Variants in SCAMP4 observed in about 807,000 individuals in gnomAD.
SCAMP4 encodes the protein secretory carrier membrane protein 4.
In SCAMP4, 19 loss-of-function variants were observed where a neutral mutation model predicts 32.1. The ratio of observed to expected loss-of-function variants is 0.59; its 90% CI spans 0.41 to 0.87. SCAMP4 has a LOEUF of 0.87. SCAMP4 is among the 40% of genes least tolerant of loss of function. The probability of loss-of-function intolerance (pLI) is 0.00; values close to 1 mark genes in which losing one functional copy is unlikely to be tolerated. For synonymous variants in SCAMP4, 152 were observed against 132.7 expected, an observed-to-expected ratio of 1.15 and a Z score of -1.00; for missense variants, 302 against 309.0, an observed-to-expected ratio of 0.98 and a Z score of 0.17.
At chr19:1,911,216 G>C (rs2013427188) in intron 1 of SCAMP4, among the ~76,000 whole-genome samples, 1 of 151,672 alleles carries the variant, frequency 6.6e-6, no homozygotes, top group African/African-American at 2.4e-5. Context: ...CTGTCAGCCA[G>C]GCTGGGGTAC....
rs2145421201 is a variant in SCAMP4 at position 1,907,075 on chromosome 19, T to C, written c.-42+1636T>C. On this transcript the variant is annotated intron_variant, in intron 1 of 6. Transcript: ENST00000316097. ...AGTGGTGCACATCTGTTGTCCCAGC[T>C]GCTTGGGAGGCTAAGGCAGGAGAAT... The C allele has an allele frequency of 2.0e-5, 3 of 150,430 alleles. No homozygotes were observed. In the Middle Eastern group the frequency reaches 0.011, roughly 537 times the overall value. The allele number at this position is 150,430 out of a possible 1,614,324, so 9.3% of individuals were successfully genotyped here.
rs1282880453 is a variant in SCAMP4, at chr19:1,924,301, C to T, written c.*17C>T. The T allele has an allele frequency of 1.3e-6, 2 of 1,567,684 alleles. No individual in the cohort carries two copies. The highest frequency in any genetic ancestry group is 2.7e-5 in the African/African-American group (2 of 73,920). ...TGGCCTTAGAGGGAGCCTGCCCTGC[C>T]CCCACCGCCCACCACCTCCTCCCCT... is the stretch of plus-strand genomic sequence containing the variant. On this transcript the variant is annotated 3_prime_UTR_variant, in exon 7 of 7. Transcript: ENST00000316097.
At chr19:1,920,749 G>A in intron 5 of SCAMP4, 14 of 985,542 alleles carry the variant, frequency 1.4e-5, no homozygotes, top group Non-Finnish European at 1.7e-5. Context: ...GGGCTCCAGT[G>A]CCTCCTGTGA....
At chr19:1,921,629 C>T (rs1006565872) in intron 5 of SCAMP4, 8 of 985,450 alleles carry the variant, frequency 8.1e-6, no homozygotes, top group Non-Finnish European at 9.6e-6. Context: ...CCTCAAATGC[C>T]TTTGCCGCTT....
chr19:1,922,565 C>T (rs1037954573), intron 5 of SCAMP4: 12 of 985,522 alleles, frequency 1.2e-5, no homozygotes, highest in Admixed American at 1.2e-4. Context: ...CCCTCAGTGC[C>T]CACCGGGTGA....
At chr19:1,916,640 G>A (rs1599249517) in intron 2 of SCAMP4, among the ~76,000 whole-genome samples, 1 of 151,844 alleles carries the variant, frequency 6.6e-6, no homozygotes, top group African/African-American at 2.4e-5. Flanking sequence ...TGTAGTTTTT[G>A]TAGAGTTGGG....
chr19:1,920,445 A>G, intron 5 of SCAMP4: 2 of 617,926 alleles, frequency 3.2e-6, no homozygotes, highest in Non-Finnish European at 4.0e-6. Context: ...CCCCTCCTGC[A>G]CCTGCGCCTG....
At chr19:1,919,442 G>GT (rs2013847830) in intron 5 of SCAMP4, 21 of 985,328 alleles carry the variant, frequency 2.1e-5, no homozygotes, top group Non-Finnish European at 2.2e-5. Flanking sequence ...AAGGCTGCCA[G>GT]GTGCCCAGAA....
At chr19:1,921,359 T>G in intron 5 of SCAMP4, 3 of 985,348 alleles carry the variant, frequency 3.0e-6, no homozygotes, top group Non-Finnish European at 3.6e-6. Flanking sequence ...GACTGGAAAC[T>G]CCAGAGAAAT....
rs2013248379 is a variant in SCAMP4 at position 1,908,325 on chromosome 19, T to C, written c.-42+2886T>C. 2.8e-6 allele frequency: 1 copy of C among 356,728 alleles called. No homozygotes were observed. The highest frequency in any genetic ancestry group is 2.2e-5 in the African/African-American group (1 of 46,272). The allele number at this position is 356,728 out of a possible 1,614,324, so 22.1% of individuals were successfully genotyped here. ...AGCTTCGGGCAGCGCTGGGGCCGCT[T>C]CAGCGTGACCTCCAAGGCCACTGGC... is the stretch of plus-strand genomic sequence containing the variant. On this transcript the variant is annotated intron_variant, in intron 1 of 6. Transcript: ENST00000316097. The surrounding 1 kb of genome is among the most constrained non-coding windows in gnomAD (Gnocchi z 4.2).
At position 1,924,630 on chromosome 19, in the gene SCAMP4, A is replaced by G. The variant is rs906059599; in HGVS notation, c.*346A>G. The stretch of plus-strand genomic sequence containing the variant: ...CTGACTCCGGGGGACAGGTGGCAGC[A>G]GGTCGGCCGCCCTCCCGTCCTCCCA... On this transcript the variant is annotated 3_prime_UTR_variant, in exon 7 of 7. Coordinates refer to ENST00000316097, the MANE Select transcript of SCAMP4 (RefSeq NM_079834.4). 3.4e-6 allele frequency: 1 copy of G among 296,838 alleles called. No individual in the cohort carries two copies. Among genetic ancestry groups the G allele is most frequent in the Non-Finnish European group, 6.7e-6 (1 of 148,756 alleles). The allele number at this position is 296,838 out of a possible 1,614,324, so 18.4% of individuals were successfully genotyped here.
rs775644869 is a variant in SCAMP4 at position 1,918,183 on chromosome 19, G to A, written c.193G>A (p.Gly65Arg). The A allele has an allele frequency of 3.1e-5, 50 of 1,612,600 alleles. No individual in the cohort carries two copies. The highest frequency in any genetic ancestry group is 4.5e-5 in the East Asian group (2 of 44,888). The change falls in exon 4 of 7, where the codon GGA (glycine) becomes AGA (arginine). Residue 65 changes from glycine (G) to arginine (R), a missense_variant. Coordinates refer to ENST00000316097, the MANE Select transcript of SCAMP4 (RefSeq NM_079834.4). The stretch of plus-strand genomic sequence containing the variant: ...TGCCTGCCTGGCCTGGTGGATCGGC[G>A]GAGGCTCGGGGACCAACTTCGGCCT... ...LIACLAWWIG[G>R]GSGTNFGLAF...
intron 5 of SCAMP4, chr19:1,919,325 C>G (rs1246582036): frequency 8.4e-7 from 1 of 1,185,766 alleles, no homozygotes; most frequent in East Asian, 4.7e-5. Flanking sequence ...CAGTTCCTGG[C>G]TGCTGATGTT....
Position 1,917,952 on chromosome 19 carries a change from C to CT in SCAMP4, c.136+131dup. 3 of 1,380,642 alleles carry CT rather than the reference C, an allele frequency of 2.2e-6. No homozygotes were observed. In the Admixed American group the frequency reaches 5.9e-5, roughly 27 times the overall value. The allele number at this position is 1,380,642 out of a possible 1,614,324, so 85.5% of individuals were successfully genotyped here. A position where few individuals can be genotyped will look rare whatever the true frequency, so the allele number is the denominator to read the frequency against. ...GAAGCCGTCCTGGGCCTGGTGGTCC[C>CT]TGCGGTGAACGAGGCTGGTGTCCAG... On this transcript the variant is annotated intron_variant, in intron 3 of 6. Coordinates refer to ENST00000316097, the MANE Select transcript of SCAMP4 (RefSeq NM_079834.4).
At chr19:1,920,806 G>C in intron 5 of SCAMP4, 2 of 985,518 alleles carry the variant, frequency 2.0e-6, no homozygotes, top group Non-Finnish European at 2.4e-6. Context: ...GAGCTGGGTG[G>C]ACAGGCCTGT....
chr19:1,919,153 C>T (rs1269874121), intron 5 of SCAMP4, 163 bp downstream of exon 5: 10 of 1,447,572 alleles, frequency 6.9e-6, no homozygotes, highest in African/African-American at 1.4e-5. Flanking sequence ...GCGTCCTCGC[C>T]AGCGCCCGCG....
rs1380803600 is a variant in SCAMP4 at position 1,908,507 on chromosome 19, A to C, written c.-42+3068A>C. On this transcript the variant is annotated intron_variant, in intron 1 of 6. Transcript: ENST00000316097. The surrounding 1 kb of genome is among the most constrained non-coding windows in gnomAD (Gnocchi z 4.2). ...GTCTGCGGGAGGAGCCGTCCATACC[A>C]GCGGGGATGTGTAGTCCAGGCTGGC... 8 of 470,934 alleles carry C rather than the reference A, an allele frequency of 1.7e-5. No individual in the cohort carries two copies. Among genetic ancestry groups the C allele is most frequent in the Non-Finnish European group, 3.1e-5 (7 of 227,006 alleles). The allele number at this position is 470,934 out of a possible 1,614,324, so 29.2% of individuals were successfully genotyped here.
chr19:1,916,781 C>T (rs903333425), intron 2 of SCAMP4, among the ~76,000 whole-genome samples: 3 of 152,212 alleles, frequency 2.0e-5, no homozygotes, highest in African/African-American at 7.2e-5. Context: ...CTAAGCCTCC[C>T]AGTCGGTGGT....
At chr19:1,914,474 C>T (rs546226021) in intron 1 of SCAMP4, 96 of 172,204 alleles carry the variant, frequency 5.6e-4, no homozygotes, top group African/African-American at 2.2e-3. Context: ...GCCCACCTCC[C>T]GATGGCAGGT....
Sources: gnomAD v4.1 joint callset for allele counts (sites outside exome capture counted in the v4.1 genomes callset) on GRCh38, gnomAD v4.1.1 for gene constraint, Gnocchi (gnomAD v3.1) non-coding constraint, MANE v1.5 for transcripts, NCBI Gene and HGNC (gene_info 2026-07-23, HGNC 2026-07-21) for gene names.